The following C1orf167 variants were observed in gnomAD, a reference collection of about 807,000 sequenced individuals.
C1orf167 encodes the protein chromosome 1 open reading frame 167.
In C1orf167, 153 loss-of-function variants were observed where a neutral mutation model predicts 176.5. The observed-to-expected ratio is 0.87, with a 90% CI of 0.76 to 0.99. C1orf167 has a LOEUF of 0.99. Ranked by LOEUF, C1orf167 falls within the 50% of genes least tolerant of loss-of-function variation. The probability of loss-of-function intolerance (pLI) is 0.00; values close to 1 mark genes in which losing one functional copy is unlikely to be tolerated. For synonymous variants in C1orf167, 594 were observed against 752.7 expected (o/e 0.79, Z 3.45); for missense variants, 1,490 against 1,817.7 (o/e 0.82, Z 3.28).
chr1:11,763,656 T>C (rs1234955630), intron 1 of C1orf167, among the ~76,000 whole-genome samples: 2 of 152,198 alleles, frequency 1.3e-5, no homozygotes, highest in Non-Finnish European at 2.9e-5. Flanking sequence ...GGAGAGCTTC[T>C]GTGGCATTAG....
In C1orf167 at chr1:11,784,503, A is replaced by AGTGCTGGACTTG. The variant is rs1643749140; in HGVS notation, c.3343_3354dup (p.Thr1115_Trp1118dup). The AGTGCTGGACTTG allele has an allele frequency of 7.7e-7, 1 of 1,302,858 alleles. No individual in the cohort carries two copies. Among genetic ancestry groups the AGTGCTGGACTTG allele is most frequent in the East Asian group, 5.6e-5 (1 of 18,004 alleles). 80.7% of individuals were successfully genotyped at this position (1,302,858 alleles called of 1,614,324 possible). A position where few individuals can be genotyped will look rare whatever the true frequency, so the allele number is the denominator to read the frequency against. On this transcript the variant is annotated inframe_insertion, in exon 15 of 21. Transcript: ENST00000688073. ...GAGAGCGCTGGGGCCCAGGCAGCCCAGTGCTGGACTTGGTGCTGGGCTCTG... is the reference window on the plus strand; with the variant it reads ...GAGAGCGCTGGGGCCCAGGCAGCCCAGTGCTGGACTTGGTGCTGGACTTGGTGCTGGGCTCTG...
rs1272291586 is a variant in C1orf167, at chr1:11,763,201, A to G, written c.-71+896A>G. ...ACGCCTGTAATCCCAGCACTTTGGGAGGCCGAGGCGGGCCAATCACCTGAG... is the reference window on the plus strand; with the variant it reads ...ACGCCTGTAATCCCAGCACTTTGGGGGGCCGAGGCGGGCCAATCACCTGAG... On this transcript the variant is annotated intron_variant, in intron 1 of 20. Coordinates refer to ENST00000688073, the MANE Select transcript of C1orf167 (RefSeq NM_001010881.2). Among the ~76,000 whole-genome samples, 5 of 152,346 alleles carry G rather than the reference A, an allele frequency of 3.3e-5. No individual in the cohort carries two copies. In the East Asian group the frequency reaches 7.7e-4, roughly 24 times the overall value.
rs1480875116 is a variant in C1orf167 at position 11,768,126 on chromosome 1, A to G, written c.1393A>G (p.Arg465Gly). ...CFRSWRHLVK[R>G]QREPAAAAVA... ...TCGATCCTGGAGGCACTTGGTGAAG[A>G]GGCAGCGGGAGCCAGCGGCGGCGGC... Residue 465 changes from arginine (R) to glycine (G), a missense_variant, in exon 5 of 21, where the codon AGG (arginine) becomes GGG (glycine). Coordinates refer to ENST00000688073, the MANE Select transcript of C1orf167 (RefSeq NM_001010881.2). This position sits in a 1 kb window ranked among gnomAD's most constrained non-coding sequence, Gnocchi z 4.5. 1 of 1,289,650 alleles carries G rather than the reference A, an allele frequency of 7.8e-7. No homozygotes were observed. Among genetic ancestry groups the G allele is most frequent in the Non-Finnish European group, 1.0e-6 (1 of 988,802 alleles). The allele number at this position is 1,289,650 out of a possible 1,614,324, so 79.9% of individuals were successfully genotyped here.
intron 6 of C1orf167, 145 bp from the exon 7 acceptor site, chr1:11,771,376 AAAT>A (rs1439906962): frequency 3.4e-6 from 1 of 297,650 alleles, no homozygotes; most frequent in African/African-American, 2.2e-5. Context: ...ATCCGACATA[AAAT>A]AAACTGTCCA....
Position 11,788,693 on chromosome 1 carries a change from G to T in C1orf167, c.4120G>T (p.Ala1374Ser). ...APEMGLADVV[A>S]ADPATASGSA... is the part of the protein sequence containing the mutation. ...TGAGATGGGCCTGGCAGACGTGGTGGCAGCGGATCCTGCGACTGCGAGTGG... is the reference window on the plus strand; with the variant it reads ...TGAGATGGGCCTGGCAGACGTGGTGTCAGCGGATCCTGCGACTGCGAGTGG... Residue 1374 changes from alanine to serine, a missense_variant, in exon 20 of 21, where the codon GCA becomes TCA. By Grantham distance (99) the Ala-to-Ser change is moderately conservative. Coordinates refer to ENST00000688073, the MANE Select transcript of C1orf167 (RefSeq NM_001010881.2). 1 of 1,304,296 alleles carries T rather than the reference G, an allele frequency of 7.7e-7. No individual in the cohort carries two copies. Among genetic ancestry groups the T allele is most frequent in the South Asian group, 1.2e-5 (1 of 81,032 alleles). The allele number at this position is 1,304,296 out of a possible 1,614,324, so 80.8% of individuals were successfully genotyped here.
In C1orf167 at chr1:11,779,222, C is replaced by G. The variant is rs946446759; in HGVS notation, c.2651+142C>G. 3 of 799,190 alleles carry G rather than the reference C, an allele frequency of 3.8e-6. No individual in the cohort carries two copies. The African/African-American group carries it at 5.5e-5, about 15-fold the overall frequency. The allele number at this position is 799,190 out of a possible 1,614,324, so 49.5% of individuals were successfully genotyped here. A position where few individuals can be genotyped will look rare whatever the true frequency, so the allele number is the denominator to read the frequency against. The stretch of plus-strand genomic sequence containing the variant: ...CTTCAGTTCCTCCTGTCTTCCTGCC[C>G]CGTCCTACTGAGAGGGTGTCGGGGA... On this transcript the variant is annotated intron_variant, in intron 12 of 20. Transcript: ENST00000688073.
In C1orf167 at chr1:11,768,030, G is replaced by A; in HGVS notation, c.1344-47G>A. 6.5e-6 allele frequency: 8 copies of A among 1,224,886 alleles called. No homozygotes were observed. The South Asian group carries it at 1.1e-4, about 17-fold the overall frequency. 75.9% of individuals were successfully genotyped at this position (1,224,886 alleles called of 1,614,324 possible). A position where few individuals can be genotyped will look rare whatever the true frequency, so the allele number is the denominator to read the frequency against. On this transcript the variant is annotated intron_variant, in intron 4 of 20. Coordinates refer to ENST00000688073, the MANE Select transcript of C1orf167 (RefSeq NM_001010881.2). The surrounding 1 kb of genome is among the most constrained non-coding windows in gnomAD (Gnocchi z 4.5). ...TATCCAGCCACTGGGCTGTCCCTGG[G>A]GATAGGAGGGCAGTCCACACCCTGA...
intron 1 of C1orf167, among the ~76,000 whole-genome samples, chr1:11,763,825 C>A (rs1642648715): frequency 6.6e-6 from 1 of 152,148 alleles, no homozygotes; most frequent in Non-Finnish European, 1.5e-5. Context: ...GGGTCAGATC[C>A]TGGATGCGTG....
rs550064555 is a variant in C1orf167, at chr1:11,765,485, C to CT, written c.71-363dup. ...TCAAGGAGTCCCCCTTGATTCTTTTCTTTTTTTTTCCCTTTATTACCTGAC... is the reference window on the plus strand; with the variant it reads ...TCAAGGAGTCCCCCTTGATTCTTTTCTTTTTTTTTTCCCTTTATTACCTGAC... On this transcript the variant is annotated intron_variant, in intron 2 of 20. Coordinates refer to ENST00000688073, the MANE Select transcript of C1orf167 (RefSeq NM_001010881.2). 5.3e-3 allele frequency among the ~76,000 whole-genome samples: 808 copies of CT among 151,594 alleles called. 18 individuals are homozygous for CT. The highest frequency in any genetic ancestry group is 0.015 in the African/African-American group (626 of 41,294).
At chr1:11,784,712 G>A (rs547660323) in intron 15 of C1orf167, 119 bp downstream of exon 15, 2 of 1,103,862 alleles carry the variant, frequency 1.8e-6, no homozygotes, top group Non-Finnish European at 2.3e-6. Flanking sequence ...GCTCAAGAGG[G>A]TGGTTGGGGG....
chr1:11,763,129 C>T (rs1414133365), intron 1 of C1orf167, among the ~76,000 whole-genome samples: 3 of 152,178 alleles, frequency 2.0e-5, no homozygotes, highest in Non-Finnish European at 4.4e-5. Context: ...AGGACCATAA[C>T]TGGCAGCCAG....
At chr1:11,774,672 G>A (rs1643228893) in intron 8 of C1orf167, among the ~76,000 whole-genome samples, 1 of 152,202 alleles carries the variant, frequency 6.6e-6, no homozygotes, top group Non-Finnish European at 1.5e-5. Context: ...GGGGGGCTGA[G>A]GGTAGTTGAA....
chr1:11,785,277 A>G lies in C1orf167; in HGVS notation c.3555A>G (p.Pro1185=). The change falls in exon 16 of 21, where the codon CCA becomes CCG. Residue 1185 remains proline (P), a synonymous_variant. Coordinates refer to ENST00000688073, the MANE Select transcript of C1orf167 (RefSeq NM_001010881.2). ...TVQLRVRLGL[P]GAGKTRSCWT... ...AGCTCAGGGTGCGGCTGGGACTGCC[A>G]GGGGCCGGCAAGGTACGCCCCAAGC... The G allele has an allele frequency of 7.8e-7, 1 of 1,286,742 alleles. No homozygotes were observed. Among genetic ancestry groups the G allele is most frequent in the Non-Finnish European group, 1.0e-6 (1 of 985,642 alleles). 79.7% of individuals were successfully genotyped at this position (1,286,742 alleles called of 1,614,324 possible).
At chr1:11,767,684 G>C (rs1180186634) in intron 4 of C1orf167, among the ~76,000 whole-genome samples, 3 of 152,110 alleles carry the variant, frequency 2.0e-5, no homozygotes, top group African/African-American at 7.2e-5. Flanking sequence ...AAATCAGCCG[G>C]GTGGGGTGGT....
chr1:11,784,199 G>A lies in C1orf167; in HGVS notation c.3031G>A (p.Val1011Ile). ...CTACTTCCAGGCCTGGTGTGAGGTT[G>A]TAAGAGACACGGGGGTGCTCCGGGC... ...QSYFQAWCEV[V>I]RDTGVLRAQH... The change falls in exon 15 of 21, where the codon GTA becomes ATA. Residue 1011 changes from valine to isoleucine, a missense_variant. Transcript: ENST00000688073. 8.0e-7 allele frequency: 1 copy of A among 1,255,608 alleles called. No homozygotes were observed. The highest frequency in any genetic ancestry group is 1.0e-6 in the Non-Finnish European group (1 of 963,806). 77.8% of individuals were successfully genotyped at this position (1,255,608 alleles called of 1,614,324 possible).
At chr1:11,788,842 T>A in intron 20 of C1orf167, 96 bp downstream of exon 20, 1 of 1,152,906 alleles carries the variant, frequency 8.7e-7, no homozygotes, top group Non-Finnish European at 1.2e-6. Flanking sequence ...GAGCTTTCCC[T>A]GCTTGCCAGC....
rs1394109960 is a variant in C1orf167, at chr1:11,784,570, T to G, written c.3402T>G (p.His1134Gln). ...GTCGGGGCCAGGTCAGCCGAGCCCATGCTTCCTGGAAGCCGCGAGCCTGGT... is the reference window on the plus strand; with the variant it reads ...GTCGGGGCCAGGTCAGCCGAGCCCAGGCTTCCTGGAAGCCGCGAGCCTGGT... ...ESCRGQVSRA[H>Q]ASWKPRAWVL... Residue 1134 changes from histidine (H) to glutamine (Q), a missense_variant, in exon 15 of 21, where the codon CAT (histidine) becomes CAG (glutamine). Transcript: ENST00000688073. 7.9e-7 allele frequency: 1 copy of G among 1,264,588 alleles called. No homozygotes were observed. The highest frequency in any genetic ancestry group is 1.6e-5 in the African/African-American group (1 of 64,502). The allele number at this position is 1,264,588 out of a possible 1,614,324, so 78.3% of individuals were successfully genotyped here.
chr1:11,787,591 C>G, intron 17 of C1orf167, 98 bp downstream of exon 17: 1 of 899,328 alleles, frequency 1.1e-6, no homozygotes, highest in Non-Finnish European at 1.5e-6. Context: ...CCTTGGGACA[C>G]GGTCTTATGT....
rs1642686825 is a variant in C1orf167, at chr1:11,764,411, G to C, written c.11G>C (p.Arg4Thr). MEL[R>T]SDASHKENVS... ...CCTGTCCCTGAGCCCATGGAGCTAA[G>C]GTCTGATGCCAGCCACAAGGAGAAT... is the stretch of plus-strand genomic sequence containing the variant. The change falls in exon 2 of 21, where the codon AGG (arginine) becomes ACG (threonine). Residue 4 changes from arginine (R) to threonine (T), a missense_variant. Coordinates refer to ENST00000688073, the MANE Select transcript of C1orf167 (RefSeq NM_001010881.2). The C allele has an allele frequency of 7.8e-7, 1 of 1,289,432 alleles. No homozygotes were observed. Among genetic ancestry groups the C allele is most frequent in the East Asian group, 5.5e-5 (1 of 18,030 alleles). 79.9% of individuals were successfully genotyped at this position (1,289,432 alleles called of 1,614,324 possible).
Sources: gnomAD v4.1 joint callset for allele counts (sites outside exome capture counted in the v4.1 genomes callset) on GRCh38, gnomAD v4.1.1 for gene constraint, Gnocchi (gnomAD v3.1) non-coding constraint, MANE v1.5 for transcripts, NCBI Gene and HGNC (gene_info 2026-07-23, HGNC 2026-07-21) for gene names.